MACROD2: variants seen among roughly 807,000 people sequenced by gnomAD.
MACROD2 encodes the protein mono-ADP ribosylhydrolase 2, also known as ADP-ribose glycohydrolase MACROD2.
A neutral mutation model predicts 70.4 loss-of-function variants in MACROD2; 36 were observed. The ratio of observed to expected loss-of-function variants is 0.51; its 90% CI spans 0.39 to 0.68. The LOEUF (loss-of-function observed/expected upper bound fraction) is 0.68. Ranked by LOEUF, MACROD2 falls within the 30% of genes least tolerant of loss-of-function variation. The pLI, the probability that MACROD2 is intolerant of heterozygous loss-of-function variation, is 0.00. For synonymous variants in MACROD2, 172 were observed against 178.8 expected (o/e 0.96, Z 0.30); for missense variants, 496 against 538.4 (o/e 0.92, Z 0.78).
intron 5 of MACROD2, among the ~76,000 whole-genome samples, chr20:15,047,407 A>G (rs1457066159): frequency 6.6e-6 from 1 of 152,164 alleles, no homozygotes; most frequent in East Asian, 1.9e-4. Context: ...ATCTGATGCA[A>G]TGTAAGTAAG....
intron 5 of MACROD2, among the ~76,000 whole-genome samples, chr20:14,946,529 T>G (rs2074433995): frequency 1.3e-5 from 2 of 152,166 alleles, no homozygotes; most frequent in Non-Finnish European, 2.9e-5. Flanking sequence ...TTTTTTTTAC[T>G]TTTACTCTGC....
At chr20:14,117,219 C>A (rs1326518804) in intron 3 of MACROD2, among the ~76,000 whole-genome samples, 2 of 152,164 alleles carry the variant, frequency 1.3e-5, no homozygotes, top group African/African-American at 4.8e-5. Flanking sequence ...TTTAACTTTG[C>A]AACAGTCTTC....
At chr20:14,515,519 TAAA>T (rs532456840) in intron 4 of MACROD2, among the ~76,000 whole-genome samples, 2 of 145,550 alleles carry the variant, frequency 1.4e-5, no homozygotes, top group Non-Finnish European at 3.1e-5. Context: ...TATACACCCT[TAAA>T]AAAGAAGAAA....
chr20:14,387,002 A>G (rs1282192578), intron 3 of MACROD2, among the ~76,000 whole-genome samples: 1 of 152,206 alleles, frequency 6.6e-6, no homozygotes, highest in Non-Finnish European at 1.5e-5. Flanking sequence ...CTTTAAGGAC[A>G]TGAATCTAAC....
At chr20:14,864,454 G>A (rs2073406173) in intron 5 of MACROD2, among the ~76,000 whole-genome samples, 1 of 151,964 alleles carries the variant, frequency 6.6e-6, no homozygotes, top group Admixed American at 6.6e-5. Flanking sequence ...TTAATTTTAA[G>A]ATTTCAATGT....
At chr20:14,051,931 C>T in intron 2 of MACROD2, 3 of 517,958 alleles carry the variant, frequency 5.8e-6, no homozygotes, top group Middle Eastern at 3.2e-4. Flanking sequence ...GGATGCATCT[C>T]TCATGGTTGA....
chr20:15,676,625 G>A (rs1367075217), intron 8 of MACROD2, among the ~76,000 whole-genome samples: 1 of 152,074 alleles, frequency 6.6e-6, no homozygotes, highest in Non-Finnish European at 1.5e-5. Context: ...ATTTCACTTT[G>A]TTTTATTGCA....
chr20:15,519,946 T>C (rs2047629442), intron 8 of MACROD2, among the ~76,000 whole-genome samples: 2 of 152,172 alleles, frequency 1.3e-5, no homozygotes, highest in African/African-American at 4.8e-5. Context: ...AAGGCTTTTG[T>C]GGCAAAGTCG....
intron 15 of MACROD2, among the ~76,000 whole-genome samples, chr20:16,015,574 A>G (rs999440592): frequency 2.0e-5 from 3 of 152,230 alleles, no homozygotes; most frequent in African/African-American, 7.2e-5. Context: ...AGAAATCACA[A>G]TGGATATTTT....
At chr20:14,301,847 T>C (rs2082477838) in intron 3 of MACROD2, among the ~76,000 whole-genome samples, 1 of 152,206 alleles carries the variant, frequency 6.6e-6, no homozygotes, top group East Asian at 1.9e-4. Context: ...AAGCAATTCA[T>C]ATATACTTAT....
chr20:14,211,800 T>G (rs1418551728), intron 3 of MACROD2, among the ~76,000 whole-genome samples: 1 of 152,160 alleles, frequency 6.6e-6, no homozygotes, highest in African/African-American at 2.4e-5. Flanking sequence ...CCTCTTAGTC[T>G]TCAGCTTTCA....
At chr20:14,515,967 T>C (rs544588063) in intron 4 of MACROD2, among the ~76,000 whole-genome samples, 1 of 147,772 alleles carries the variant, frequency 6.8e-6, no homozygotes, top group East Asian at 2.0e-4. Flanking sequence ...TATTATATAA[T>C]ATATTTTATA....
chr20:15,362,627 G>C (rs2078365956), intron 6 of MACROD2, among the ~76,000 whole-genome samples: 1 of 151,860 alleles, frequency 6.6e-6, no homozygotes, highest in African/African-American at 2.4e-5. Context: ...ATTTTAAATA[G>C]TTATTCAATT....
At chr20:14,620,101 G>C (rs141873140) in intron 4 of MACROD2, among the ~76,000 whole-genome samples, 5 of 152,132 alleles carry the variant, frequency 3.3e-5, no homozygotes, top group African/African-American at 4.8e-5. Context: ...TGGGATTCCC[G>C]TCTATTCTGG....
At chr20:15,936,980 C>G (rs2065673853) in intron 11 of MACROD2, among the ~76,000 whole-genome samples, 2 of 152,144 alleles carry the variant, frequency 1.3e-5, no homozygotes, top group Non-Finnish European at 2.9e-5. Context: ...GTGCCGAATG[C>G]TCCCCTTCTT....
chr20:14,897,276 T>C (rs1469097822), intron 5 of MACROD2, among the ~76,000 whole-genome samples: 1 of 152,138 alleles, frequency 6.6e-6, no homozygotes, highest in Non-Finnish European at 1.5e-5. Flanking sequence ...GGGTGTCTAA[T>C]GTAACTGAAT....
chr20:15,764,817 C>A (rs1389922882), intron 8 of MACROD2, among the ~76,000 whole-genome samples: 1 of 152,170 alleles, frequency 6.6e-6, no homozygotes, highest in Non-Finnish European at 1.5e-5. Context: ...GGTTTCCAAG[C>A]ACCCTCTGAA....
At chr20:14,342,885 T>G (rs1310356158) in intron 3 of MACROD2, among the ~76,000 whole-genome samples, 1 of 152,048 alleles carries the variant, frequency 6.6e-6, no homozygotes, top group African/African-American at 2.4e-5. Flanking sequence ...GCCTGCCTGC[T>G]TGCCCACCCT....
intron 13 of MACROD2, 61 bp from the exon 14 acceptor site, chr20:15,986,666 G>A: frequency 1.5e-6 from 2 of 1,336,046 alleles, no homozygotes; most frequent in Non-Finnish European, 1.1e-6. Flanking sequence ...TGAAGGTCAG[G>A]AATAAAGCTA....
Sources: allele counts gnomAD v4.1 joint callset (sites outside exome capture counted in the v4.1 genomes callset), GRCh38; gene constraint gnomAD v4.1.1; transcripts MANE v1.5; gene names NCBI Gene and HGNC (gene_info 2026-07-23, HGNC 2026-07-21).